SEPTIN9: variants seen among roughly 807,000 people sequenced by gnomAD.
The protein encoded by SEPTIN9 is septin-9.
In SEPTIN9, 13 loss-of-function variants were observed where a neutral mutation model predicts 56.6. The ratio of observed to expected loss-of-function variants is 0.23; its 90% CI spans 0.15 to 0.37. The LOEUF (loss-of-function observed/expected upper bound fraction) is 0.37, where lower values mean the gene tolerates loss of function less well. Among genes scored for constraint, SEPTIN9 ranks in the 10% least tolerant of loss-of-function variants. The pLI, the probability that SEPTIN9 is intolerant of heterozygous loss-of-function variation, is 1.00. For missense variants in SEPTIN9, 650 were observed against 823.1 expected, an observed-to-expected ratio of 0.79 and a Z score of 2.57; for synonymous variants, 332 against 334.1, an observed-to-expected ratio of 0.99 and a Z score of 0.07.
chr17:77,392,980 C>T (rs1446755820), intron 2 of SEPTIN9, among the ~76,000 whole-genome samples: 1 of 152,140 alleles, frequency 6.6e-6, no homozygotes, highest in Non-Finnish European at 1.5e-5. Context: ...CCAACTGTGT[C>T]CTCCTCCCTA....
At chr17:77,344,121 G>A (rs1236581062) in intron 2 of SEPTIN9, among the ~76,000 whole-genome samples, 2 of 151,954 alleles carry the variant, frequency 1.3e-5, no homozygotes, top group African/African-American at 2.4e-5. Context: ...TTTGAAAATC[G>A]TATATCCGAT....
At position 77,436,493 on chromosome 17, in the gene SEPTIN9, G is replaced by A. The variant is rs971956645; in HGVS notation, c.721+33790G>A. 2.6e-5 allele frequency among the ~76,000 whole-genome samples: 4 copies of A among 152,204 alleles called. No homozygotes were observed. The highest frequency in any genetic ancestry group is 6.5e-5 in the Admixed American group (1 of 15,290). On this transcript the variant is annotated intron_variant, in intron 3 of 11. Transcript: ENST00000427177. The surrounding 1 kb of genome is among the most constrained non-coding windows in gnomAD (Gnocchi z 4.4). ...GGACGGGGGCGGGGCTGGAGCCAGC[G>A]GGGTGGGGGTATCCAGCAAGAGCTC...
At chr17:77,373,309 G>T (rs1053463321) in intron 2 of SEPTIN9, 38 of 1,159,970 alleles carry the variant, frequency 3.3e-5, no homozygotes, top group Non-Finnish European at 3.2e-6. Flanking sequence ...AGCGCGCGGG[G>T]AGGGGCCGGC....
intron 3 of SEPTIN9, among the ~76,000 whole-genome samples, chr17:77,412,313 C>T (rs2036333122): frequency 1.3e-5 from 2 of 152,108 alleles, no homozygotes; most frequent in Admixed American, 1.3e-4. Flanking sequence ...AAATGCTCTC[C>T]AATTGGTGTT....
intron 3 of SEPTIN9, among the ~76,000 whole-genome samples, chr17:77,415,760 A>C (rs1290857470): frequency 3.3e-5 from 5 of 152,248 alleles, no homozygotes; most frequent in Non-Finnish European, 5.9e-5. Context: ...CGTGCGACCA[A>C]GGCACACGAG....
rs1208916139 is a variant in SEPTIN9, at chr17:77,367,815, A to G, written c.77-34244A>G. Among the ~76,000 whole-genome samples the G allele has an allele frequency of 6.6e-6, 1 of 152,040 alleles. No individual in the cohort carries two copies. The highest frequency in any genetic ancestry group is 1.5e-5 in the Non-Finnish European group (1 of 68,004). Reference sequence around the variant, plus strand: ...CGGGCGACAGAGTGAGACTGTCTAAAATAATAATAATGCTAATAATAAATA... The same window carrying G: ...CGGGCGACAGAGTGAGACTGTCTAAGATAATAATAATGCTAATAATAAATA... On this transcript the variant is annotated intron_variant, in intron 2 of 11. Transcript: ENST00000427177. This position sits in a 1 kb window ranked among gnomAD's most constrained non-coding sequence, Gnocchi z 4.5.
chr17:77,353,304 G>T (rs1400556646), intron 2 of SEPTIN9, among the ~76,000 whole-genome samples: 2 of 152,156 alleles, frequency 1.3e-5, no homozygotes, highest in Non-Finnish European at 2.9e-5. Flanking sequence ...GTAGTTGGTG[G>T]GTTGTCTGGT....
chr17:77,394,439 A>G (rs2035639205), intron 2 of SEPTIN9, among the ~76,000 whole-genome samples: 1 of 152,084 alleles, frequency 6.6e-6, no homozygotes, highest in African/African-American at 2.4e-5. Flanking sequence ...TGGCTCCTAG[A>G]TAGCCAGTGT....
In SEPTIN9 at chr17:77,449,841, C is replaced by A. The variant is rs1296885430; in HGVS notation, c.722-32303C>A. Among the ~76,000 whole-genome samples the A allele has an allele frequency of 6.6e-6, 1 of 152,124 alleles. No individual in the cohort carries two copies. The highest frequency in any genetic ancestry group is 2.1e-4 in the South Asian group (1 of 4,824). On this transcript the variant is annotated intron_variant, in intron 3 of 11. Coordinates refer to ENST00000427177, the MANE Select transcript of SEPTIN9 (RefSeq NM_001113491.2). The surrounding 1 kb of genome is among the most constrained non-coding windows in gnomAD (Gnocchi z 4.6). ...GAGTGGCCGCACTTCCTGGCCTAGA[C>A]GTGTGTGTCTTGCTGTAATTTTGGC...
At chr17:77,419,013 C>T (rs1394456909) in intron 3 of SEPTIN9, among the ~76,000 whole-genome samples, 2 of 152,240 alleles carry the variant, frequency 1.3e-5, no homozygotes, top group Non-Finnish European at 2.9e-5. Context: ...TCCCAAAGCC[C>T]AGCCTGAAGC....
chr17:77,308,484 G>A (rs1415098713), intron 2 of SEPTIN9, among the ~76,000 whole-genome samples: 2 of 152,218 alleles, frequency 1.3e-5, no homozygotes, highest in East Asian at 1.9e-4. Context: ...TCTGCACTCC[G>A]CCATCCTGTA....
Position 77,369,165 on chromosome 17 carries a change from T to A in SEPTIN9, c.77-32894T>A, listed in dbSNP as rs1023245243. ...AGGAGAATCACTTGAACCTGGGAGG[T>A]GGAGTTTGCAGTGAGCCAGGATTGC... On this transcript the variant is annotated intron_variant, in intron 2 of 11. Transcript: ENST00000427177. This position sits in a 1 kb window ranked among gnomAD's most constrained non-coding sequence, Gnocchi z 4.9. Among the ~76,000 whole-genome samples the A allele has an allele frequency of 6.6e-6, 1 of 151,574 alleles. No individual in the cohort carries two copies. The highest frequency in any genetic ancestry group is 1.5e-5 in the Non-Finnish European group (1 of 67,900).
chr17:77,390,072 C>A (rs2144028534), intron 2 of SEPTIN9, among the ~76,000 whole-genome samples: 1 of 152,240 alleles, frequency 6.6e-6, no homozygotes, highest in African/African-American at 2.4e-5. Flanking sequence ...CTGTTGCCCT[C>A]TTGGAGGCTG....
In SEPTIN9 at chr17:77,457,305, G is replaced by A. The variant is rs139026698; in HGVS notation, c.722-24839G>A. On this transcript the variant is annotated intron_variant, in intron 3 of 11. Coordinates refer to ENST00000427177, the MANE Select transcript of SEPTIN9 (RefSeq NM_001113491.2). ...CTCCTGGTCATGCCTCAGGCCTCCC[G>A]TGAGAAGCATCACTGCATGGACCAT... Among the ~76,000 whole-genome samples, 6 of 152,232 alleles carry A rather than the reference G, an allele frequency of 3.9e-5. No homozygotes were observed. In the East Asian group the frequency reaches 5.8e-4, roughly 15 times the overall value.
At chr17:77,409,325 C>T (rs11657961) in intron 3 of SEPTIN9, among the ~76,000 whole-genome samples, 47,885 of 151,916 alleles carry the variant, frequency 0.32, 8,313 homozygotes, top group Non-Finnish European at 0.4. Context: ...CCCGGTGTGT[C>T]TCCTTCGTGG....
chr17:77,478,847 C>G (rs1206530105), intron 3 of SEPTIN9, among the ~76,000 whole-genome samples: 1 of 151,534 alleles, frequency 6.6e-6, no homozygotes, highest in Non-Finnish European at 1.5e-5. Flanking sequence ...GAATTTGACT[C>G]AGCCGTAAAG....
In SEPTIN9 at chr17:77,402,210, C is replaced by T. The variant is rs752815848; in HGVS notation, c.228C>T (p.Arg76=). 1.1e-5 allele frequency: 18 copies of T among 1,613,700 alleles called. No homozygotes were observed. Among genetic ancestry groups the T allele is most frequent in the Admixed American group, 1.0e-4 (6 of 60,026 alleles). Residue 76 remains arginine, a synonymous_variant, in exon 3 of 12, where the codon CGC becomes CGT. Transcript: ENST00000427177. This position sits in a 1 kb window ranked among gnomAD's most constrained non-coding sequence, Gnocchi z 6.6. ...TGAAGAACTCAGAACCCTCGGCCCG[C>T]CATGTGGACTCCCTAAGCCAACGCT... ...LGVKNSEPSA[R]HVDSLSQRSP...
intron 3 of SEPTIN9, among the ~76,000 whole-genome samples, chr17:77,447,735 C>T (rs1449941402): frequency 1.3e-5 from 2 of 152,258 alleles, no homozygotes; most frequent in African/African-American, 4.8e-5. Context: ...AGCGATTCTC[C>T]TGCCTCAACC....
intron 1 of SEPTIN9, among the ~76,000 whole-genome samples, chr17:77,296,548 A>G (rs1398034891): frequency 6.6e-6 from 1 of 152,164 alleles, no homozygotes; most frequent in East Asian, 1.9e-4. Flanking sequence ...AGACAGGCAG[A>G]CAGACAGACA....
Sources: allele counts gnomAD v4.1 joint callset (sites outside exome capture counted in the v4.1 genomes callset), GRCh38; gene constraint gnomAD v4.1.1; non-coding constraint Gnocchi (gnomAD v3.1); transcripts MANE v1.5; gene names NCBI Gene and HGNC (gene_info 2026-07-23, HGNC 2026-07-21).